RPTOR: variants seen among roughly 807,000 people sequenced by gnomAD.
RPTOR encodes the protein regulatory associated protein of MTOR complex 1.
In RPTOR, 21 loss-of-function variants were observed where a neutral mutation model predicts 169.9. The ratio of observed to expected loss-of-function variants is 0.12; its 90% CI spans 0.09 to 0.18. The LOEUF is 0.18. Among genes scored for constraint, RPTOR ranks in the 10% least tolerant of loss-of-function variants. The pLI is 1.00. For missense variants in RPTOR, 1,133 were observed against 1,855.9 expected, an observed-to-expected ratio of 0.61 and a Z score of 7.16; for synonymous variants, 732 against 753.2, an observed-to-expected ratio of 0.97 and a Z score of 0.46.
chr17:80,817,061 T>C (rs1182804653), intron 7 of RPTOR, among the ~76,000 whole-genome samples: 1 of 152,114 alleles, frequency 6.6e-6, no homozygotes, highest in Non-Finnish European at 1.5e-5. Context: ...AAGGAAGTCT[T>C]GGTGGACTTG....
intron 8 of RPTOR, among the ~76,000 whole-genome samples, chr17:80,822,795 C>T (rs72853770): frequency 4.5e-4 from 68 of 151,634 alleles, no homozygotes; most frequent in African/African-American, 6.3e-4. Context: ...TATGTGTGTG[C>T]GTGTATTTGT....
chr17:80,650,157 T>G (rs150453543), intron 3 of RPTOR, among the ~76,000 whole-genome samples: 2 of 152,324 alleles, frequency 1.3e-5, no homozygotes, highest in African/African-American at 4.8e-5. Flanking sequence ...CAGCCTGTTG[T>G]GACTAGACTC....
chr17:80,922,786 C>T lies in RPTOR; in HGVS notation c.2583C>T (p.Pro861=), dbSNP rs756702622. The T allele has an allele frequency of 5.0e-6, 8 of 1,587,956 alleles. 1 individual carries two copies. The highest frequency in any genetic ancestry group is 2.3e-5 in the East Asian group (1 of 43,520). The change falls in exon 22 of 34, where the codon CCC becomes CCT. Residue 861 remains proline (P), a synonymous_variant. Coordinates refer to ENST00000306801, the MANE Select transcript of RPTOR (RefSeq NM_020761.3). ...CCTCCTCCCTCACGCAGTCGGCCCC[C>T]GCCAGCCCCACCAACAAGGGCGTGC... The part of the protein sequence containing the change: ...LDTSSLTQSA[P]ASPTNKGVHI...
intron 1 of RPTOR, among the ~76,000 whole-genome samples, chr17:80,565,404 C>T (rs973190010): frequency 6.6e-6 from 1 of 152,202 alleles, no homozygotes; most frequent in African/African-American, 2.4e-5. Context: ...GGTGGTCACA[C>T]ACCATGGGGG....
chr17:80,667,617 G>T (rs958847176), intron 3 of RPTOR, among the ~76,000 whole-genome samples: 14 of 152,102 alleles, frequency 9.2e-5, no homozygotes, highest in African/African-American at 3.4e-4. Flanking sequence ...TAAGCCCTTC[G>T]CACCCATGAC....
At chr17:80,551,261 G>A (rs1389145982) in intron 1 of RPTOR, among the ~76,000 whole-genome samples, 1 of 152,246 alleles carries the variant, frequency 6.6e-6, no homozygotes, top group Admixed American at 6.5e-5. Context: ...TAGGTGGGAC[G>A]AGAGACTTGG....
At chr17:80,637,456 C>A (rs189970366) in intron 2 of RPTOR, among the ~76,000 whole-genome samples, 2 of 152,224 alleles carry the variant, frequency 1.3e-5, no homozygotes, top group African/African-American at 4.8e-5. Context: ...GCTCCGCCCC[C>A]CTCTGGATAA....
intron 21 of RPTOR, among the ~76,000 whole-genome samples, chr17:80,911,616 C>G (rs921290157): frequency 1.3e-5 from 2 of 152,048 alleles, no homozygotes; most frequent in Non-Finnish European, 2.9e-5. Flanking sequence ...GAAACCCCGT[C>G]TCTACAAAAT....
At chr17:80,711,217 C>T (rs533540155) in intron 4 of RPTOR, among the ~76,000 whole-genome samples, 32 of 152,282 alleles carry the variant, frequency 2.1e-4, no homozygotes, top group Admixed American at 2.0e-3. Flanking sequence ...TGTGCCTTCT[C>T]TCTTTTCTTG....
At chr17:80,892,610 A>G (rs8069822) in intron 18 of RPTOR, 119 bp from the exon 19 acceptor site, 293,094 of 1,156,030 alleles carry the variant, frequency 0.25, 40,456 homozygotes, top group South Asian at 0.46. Context: ...CTGCTCTGAC[A>G]TTTGTTGCAG....
chr17:80,947,471 G>A lies in RPTOR; in HGVS notation c.3265+120G>A, dbSNP rs1002353308. 1.6e-5 allele frequency: 21 copies of A among 1,291,090 alleles called. No homozygotes were observed. In the African/African-American group the frequency reaches 3.1e-4, roughly 19 times the overall value. The allele number at this position is 1,291,090 out of a possible 1,614,324, so 80.0% of individuals were successfully genotyped here. ...TACAGAAAGCCCTGCTCACACGCGA[G>A]GGCCACTGTCATTCAGAAGTGGGGA... On this transcript the variant is annotated intron_variant, in intron 27 of 33. Transcript: ENST00000306801. This position sits in a 1 kb window ranked among gnomAD's most constrained non-coding sequence, Gnocchi z 4.4.
intron 10 of RPTOR, among the ~76,000 whole-genome samples, chr17:80,841,491 ACTCT>A (rs1439892107): frequency 4.3e-4 from 40 of 94,072 alleles, no homozygotes; most frequent in Non-Finnish European, 6.9e-4. Flanking sequence ...ACGGCAGCTC[ACTCT>A]CACCACACGG....
chr17:80,915,807 C>T (rs528081466), intron 21 of RPTOR, among the ~76,000 whole-genome samples: 14 of 149,178 alleles, frequency 9.4e-5, no homozygotes, highest in African/African-American at 2.5e-4. Flanking sequence ...GAGCAGACGT[C>T]GGGAAAACCA....
intron 23 of RPTOR, among the ~76,000 whole-genome samples, chr17:80,924,493 C>A (rs961842073): frequency 1.3e-5 from 2 of 152,146 alleles, no homozygotes; most frequent in African/African-American, 4.8e-5. Context: ...GCTGTCACGG[C>A]AAGAGCGGAC....
intron 20 of RPTOR, among the ~76,000 whole-genome samples, chr17:80,895,859 G>A (rs2068392750): frequency 6.6e-6 from 1 of 152,214 alleles, no homozygotes; most frequent in Non-Finnish European, 1.5e-5. Flanking sequence ...TTACAGCCTT[G>A]CAGCCTTACA....
chr17:80,752,534 T>C (rs2066640340), intron 5 of RPTOR, among the ~76,000 whole-genome samples: 1 of 152,264 alleles, frequency 6.6e-6, no homozygotes, highest in Non-Finnish European at 1.5e-5. Context: ...TATTAAATTT[T>C]ACTGGCCAAA....
At chr17:80,620,030 G>A (rs1207263909) in intron 1 of RPTOR, among the ~76,000 whole-genome samples, 1 of 152,180 alleles carries the variant, frequency 6.6e-6, no homozygotes, top group Non-Finnish European at 1.5e-5. Context: ...GGGAAGACCA[G>A]TCATGAGTCA....
chr17:80,603,447 G>C (rs1437720478), intron 1 of RPTOR, among the ~76,000 whole-genome samples: 1 of 152,216 alleles, frequency 6.6e-6, no homozygotes, highest in Non-Finnish European at 1.5e-5. Flanking sequence ...GTGGGGGTTG[G>C]TGCATCCTTT....
At chr17:80,963,203 TC>T in intron 33 of RPTOR, 146 bp downstream of exon 33, 1 of 791,826 alleles carries the variant, frequency 1.3e-6, no homozygotes, top group Non-Finnish European at 2.0e-6. Context: ...CTTGCCTGGG[TC>T]CCAGGATCTC....
Sources: gnomAD v4.1 joint callset for allele counts (sites outside exome capture counted in the v4.1 genomes callset) on GRCh38, gnomAD v4.1.1 for gene constraint, Gnocchi (gnomAD v3.1) non-coding constraint, MANE v1.5 for transcripts, NCBI Gene and HGNC (gene_info 2026-07-23, HGNC 2026-07-21) for gene names.